Variants in P2RY8 observed in about 807,000 individuals in gnomAD.
P2RY8 encodes the protein S-geranylgeranyl-glutathione receptor P2RY8.
Under a neutral mutation model 10.0 loss-of-function variants are expected in P2RY8, and 6 were observed. That is an observed-to-expected ratio of 0.60 (90% CI 0.33 to 1.19). P2RY8 has a LOEUF of 1.19. Among genes scored for constraint, P2RY8 ranks in the 50% most tolerant of loss-of-function variants. The pLI, the probability that P2RY8 is intolerant of heterozygous loss-of-function variation, is 0.04. For synonymous variants in P2RY8, 276 were observed against 252.5 expected (o/e 1.09, Z -0.88); for missense variants, 456 against 542.0 (o/e 0.84, Z 1.58).
chrX:1,509,088 T>C (rs1281052097), intron 1 of P2RY8, among the ~76,000 whole-genome samples: 1 of 134,338 alleles, frequency 7.4e-6, no homozygotes, highest in African/African-American at 2.7e-5. Context: ...TGTATCTATC[T>C]ATGTATCTAT....
chrX:1,536,251 G>A (rs1264004072), intron 1 of P2RY8, among the ~76,000 whole-genome samples: 1 of 151,738 alleles, frequency 6.6e-6, no homozygotes, highest in Non-Finnish European at 1.5e-5. Context: ...GCATTTCATG[G>A]AATGAGTTTT....
chrX:1,495,353 G>A (rs192191463), intron 1 of P2RY8, among the ~76,000 whole-genome samples: 1 of 152,146 alleles, frequency 6.6e-6, no homozygotes, highest in Admixed American at 6.6e-5. Flanking sequence ...CCTCTTTAAA[G>A]AGTTAACTAC....
intron 1 of P2RY8, among the ~76,000 whole-genome samples, chrX:1,476,443 C>T (rs1270304077): frequency 3.3e-5 from 5 of 151,596 alleles, no homozygotes; most frequent in Admixed American, 2.6e-4. Flanking sequence ...AAAAATTAGC[C>T]GGGCGTGGTG....
chrX:1,468,541 G>T (rs1445729316), intron 1 of P2RY8, among the ~76,000 whole-genome samples: 1 of 152,132 alleles, frequency 6.6e-6, no homozygotes, highest in Admixed American at 6.5e-5. Context: ...GGAGGCACAG[G>T]CTTGCGGTTT....
In P2RY8 at chrX:1,464,332, G is replaced by A. The variant is rs2091630998; in HGVS notation, c.*1147C>T. 3 of 233,450 alleles carry A rather than the reference G, an allele frequency of 1.3e-5. No homozygotes were observed. The highest frequency in any genetic ancestry group is 6.6e-5 in the African/African-American group (3 of 45,354). 14.5% of individuals were successfully genotyped at this position (233,450 alleles called of 1,614,324 possible). On this transcript the variant is annotated 3_prime_UTR_variant, in exon 2 of 2. Transcript: ENST00000381297. Reference sequence around the variant, plus strand: ...TGCCGTGTAGAAGAAGACAGACAAAGACCCAGCCTGCTCACCACCCACACA... The same window carrying A: ...TGCCGTGTAGAAGAAGACAGACAAAAACCCAGCCTGCTCACCACCCACACA...
intron 1 of P2RY8, among the ~76,000 whole-genome samples, chrX:1,511,760 A>T (rs1331362897): frequency 3.3e-5 from 5 of 152,156 alleles, no homozygotes; most frequent in Non-Finnish European, 7.4e-5. Context: ...ATGTCTACGG[A>T]TGGCCAGCTG....
chrX:1,490,265 T>C (rs1181939711), intron 1 of P2RY8, among the ~76,000 whole-genome samples: 4 of 96,490 alleles, frequency 4.1e-5, no homozygotes, highest in African/African-American at 1.8e-4. Flanking sequence ...GTGGGGGGAA[T>C]GAATGAATGA....
At chrX:1,534,323 A>G (rs1319544591) in intron 1 of P2RY8, among the ~76,000 whole-genome samples, 5 of 150,050 alleles carry the variant, frequency 3.3e-5, no homozygotes, top group African/African-American at 9.8e-5. Context: ...GCTTTATCCT[A>G]AGTGAACACA....
At chrX:1,492,573 C>G (rs1373472575) in intron 1 of P2RY8, among the ~76,000 whole-genome samples, 3 of 152,098 alleles carry the variant, frequency 2.0e-5, no homozygotes, top group South Asian at 2.1e-4. Context: ...AACTGACAAC[C>G]ATGTAAGCTC....
chrX:1,475,558 G>A (rs1462894352), intron 1 of P2RY8, among the ~76,000 whole-genome samples: 6 of 151,742 alleles, frequency 4.0e-5, no homozygotes, highest in African/African-American at 7.3e-5. Flanking sequence ...CCAATACACC[G>A]AGAAAAGAGA....
intron 1 of P2RY8, among the ~76,000 whole-genome samples, chrX:1,500,963 AG>A (rs1439843220): frequency 6.6e-6 from 1 of 152,162 alleles, no homozygotes; most frequent in Non-Finnish European, 1.5e-5. Flanking sequence ...GTGGTTTTCC[AG>A]GCCAAGCAGC....
intron 1 of P2RY8, among the ~76,000 whole-genome samples, chrX:1,524,343 A>G (rs2092413944): frequency 6.7e-6 from 1 of 149,222 alleles, no homozygotes; most frequent in East Asian, 2.0e-4. Context: ...CCATGCATCC[A>G]TCCATTCATC....
chrX:1,522,932 G>C lies in P2RY8; in HGVS notation c.-25+13989C>G, dbSNP rs763183529. The stretch of plus-strand genomic sequence containing the variant: ...AAAAATACAAACATTAGCTGGGCAT[G>C]GTGCCACATGCCTATAATCCCAGCT... On this transcript the variant is annotated intron_variant, in intron 1 of 1. Coordinates refer to ENST00000381297, the MANE Select transcript of P2RY8 (RefSeq NM_178129.5). Among the ~76,000 whole-genome samples the C allele has an allele frequency of 3.6e-4, 54 of 150,834 alleles. No individual in the cohort carries two copies. The South Asian group carries it at 4.2e-3, about 12-fold the overall frequency.
chrX:1,484,045 G>A (rs1208886787), intron 1 of P2RY8, among the ~76,000 whole-genome samples: 1 of 151,494 alleles, frequency 6.6e-6, no homozygotes, highest in Non-Finnish European at 1.5e-5. Context: ...ACCCAAAGCT[G>A]GACTCCCCTA....
intron 1 of P2RY8, among the ~76,000 whole-genome samples, chrX:1,528,016 T>C (rs1376402385): frequency 6.6e-6 from 1 of 152,172 alleles, no homozygotes; most frequent in Non-Finnish European, 1.5e-5. Context: ...CACCTGCTGG[T>C]CTGTCCCTGT....
At chrX:1,527,556 C>G (rs1362941813) in intron 1 of P2RY8, among the ~76,000 whole-genome samples, 1 of 151,990 alleles carries the variant, frequency 6.6e-6, no homozygotes, top group Non-Finnish European at 1.5e-5. Context: ...TCTATTCATT[C>G]AATCATTTAT....
At chrX:1,531,585 C>T (rs2092475982) in intron 1 of P2RY8, among the ~76,000 whole-genome samples, 1 of 152,128 alleles carries the variant, frequency 6.6e-6, no homozygotes, top group Non-Finnish European at 1.5e-5. Context: ...CAGCCTGGCA[C>T]CTGCCACCTG....
chrX:1,499,579 C>T (rs1267906344), intron 1 of P2RY8, among the ~76,000 whole-genome samples: 1 of 151,858 alleles, frequency 6.6e-6, no homozygotes, highest in Non-Finnish European at 1.5e-5. Context: ...GTTTCACGTA[C>T]TATGTATTTA....
chrX:1,500,848 T>C (rs1166327582), intron 1 of P2RY8, among the ~76,000 whole-genome samples: 3 of 152,180 alleles, frequency 2.0e-5, no homozygotes, highest in African/African-American at 7.2e-5. Flanking sequence ...ACATAGGATT[T>C]TGGGTGTGCT....
Sources: allele counts gnomAD v4.1 joint callset (sites outside exome capture counted in the v4.1 genomes callset), GRCh38; gene constraint gnomAD v4.1.1; transcripts MANE v1.5; gene names NCBI Gene and HGNC (gene_info 2026-07-23, HGNC 2026-07-21).